Variants in SLC35F4 observed in about 807,000 individuals in gnomAD.
SLC35F4 encodes chromosome 14 open reading frame 36.
In SLC35F4, 24 loss-of-function variants were observed where a neutral mutation model predicts 44.2. That is an observed-to-expected ratio of 0.54 (90% CI 0.39 to 0.76). The LOEUF (loss-of-function observed/expected upper bound fraction) is 0.76, where lower values mean the gene tolerates loss of function less well. Among genes scored for constraint, SLC35F4 ranks in the 30% least tolerant of loss-of-function variants. The pLI is 0.00. For synonymous variants in SLC35F4, 238 were observed against 223.6 expected (o/e 1.06, Z -0.57); for missense variants, 562 against 586.1 (o/e 0.96, Z 0.42).
At chr14:57,911,446 T>C (rs554598031) in intron 1 of SLC35F4, among the ~76,000 whole-genome samples, 40 of 152,158 alleles carry the variant, frequency 2.6e-4, no homozygotes, top group African/African-American at 9.1e-4. Context: ...TTTATCAAGT[T>C]GAGGAAGTTT....
intron 1 of SLC35F4, among the ~76,000 whole-genome samples, chr14:57,806,446 C>A (rs1881329765): frequency 6.6e-6 from 1 of 152,144 alleles, no homozygotes; most frequent in Admixed American, 6.5e-5. Flanking sequence ...ACACACCAAT[C>A]ATGTCTCCAA....
chr14:57,915,614 C>G (rs78181434), intron 1 of SLC35F4, among the ~76,000 whole-genome samples: 1 of 152,064 alleles, frequency 6.6e-6, no homozygotes, highest in African/African-American at 2.4e-5. Flanking sequence ...TAAATTCTAC[C>G]TTCCATAAAG....
intron 1 of SLC35F4, among the ~76,000 whole-genome samples, chr14:57,907,381 A>T (rs756504717): frequency 6.6e-5 from 10 of 152,136 alleles, no homozygotes; most frequent in Non-Finnish European, 1.3e-4. Flanking sequence ...AATCAAACCC[A>T]CAATATATAT....
intron 1 of SLC35F4, among the ~76,000 whole-genome samples, chr14:57,839,971 T>G (rs1423485697): frequency 6.6e-6 from 1 of 152,186 alleles, no homozygotes; most frequent in East Asian, 1.9e-4. Context: ...TCTAGTCTTC[T>G]ACAAGCAATC....
intron 1 of SLC35F4, among the ~76,000 whole-genome samples, chr14:57,811,271 T>C (rs945996410): frequency 2.0e-5 from 3 of 152,242 alleles, no homozygotes; most frequent in Non-Finnish European, 4.4e-5. Flanking sequence ...TGTGAGCTCA[T>C]GTTCAGAATC....
intron 1 of SLC35F4, among the ~76,000 whole-genome samples, chr14:57,661,674 G>A (rs974410265): frequency 1.3e-5 from 2 of 152,156 alleles, no homozygotes; most frequent in South Asian, 2.1e-4. Flanking sequence ...ATCCAGAGAC[G>A]AATGTGCTCT....
intron 1 of SLC35F4, among the ~76,000 whole-genome samples, chr14:57,923,996 T>C (rs552014675): frequency 6.6e-6 from 1 of 152,332 alleles, no homozygotes; most frequent in Non-Finnish European, 1.5e-5. Flanking sequence ...GTTCTCATAA[T>C]AGTGAATGAG....
At chr14:57,604,603 T>A (rs1424850194) in intron 1 of SLC35F4, among the ~76,000 whole-genome samples, 1 of 152,156 alleles carries the variant, frequency 6.6e-6, no homozygotes, top group Non-Finnish European at 1.5e-5. Context: ...TGGAAAAAAC[T>A]ATTCTAAAAT....
At chr14:57,783,011 G>C (rs907128917) in intron 1 of SLC35F4, among the ~76,000 whole-genome samples, 2 of 152,124 alleles carry the variant, frequency 1.3e-5, no homozygotes, top group African/African-American at 4.8e-5. Flanking sequence ...AGCTGGGAGG[G>C]AGGGGAAATG....
intron 1 of SLC35F4, among the ~76,000 whole-genome samples, chr14:57,719,594 ATT>A (rs34957505): frequency 0.028 from 4,176 of 148,272 alleles, 81 homozygotes; most frequent in African/African-American, 0.048. Context: ...TTTTCCTGGG[ATT>A]TTTTTTTTTT....
intron 4 of SLC35F4, among the ~76,000 whole-genome samples, chr14:57,576,397 C>A (rs562052582): frequency 1.3e-5 from 2 of 152,278 alleles, no homozygotes; most frequent in African/African-American, 4.8e-5. Context: ...CTGCTGGCAG[C>A]TGCTGTGCTC....
chr14:57,844,710 G>A (rs778971932), intron 1 of SLC35F4, among the ~76,000 whole-genome samples: 1 of 152,176 alleles, frequency 6.6e-6, no homozygotes, highest in Non-Finnish European at 1.5e-5. Flanking sequence ...TTGGAAGCAA[G>A]ATTTCCTCTG....
chr14:57,644,309 TCTAA>T (rs2073391873), intron 1 of SLC35F4, among the ~76,000 whole-genome samples: 1 of 152,196 alleles, frequency 6.6e-6, no homozygotes, highest in Non-Finnish European at 1.5e-5. Context: ...TGATTGCCAT[TCTAA>T]CTAGTGTGAG....
chr14:57,680,895 C>G (rs943042250), intron 1 of SLC35F4, among the ~76,000 whole-genome samples: 5 of 152,098 alleles, frequency 3.3e-5, no homozygotes, highest in African/African-American at 1.2e-4. Flanking sequence ...GAAAAACATT[C>G]CATGCTCACA....
chr14:57,606,307 T>G (rs1239441943), intron 1 of SLC35F4, among the ~76,000 whole-genome samples: 2 of 150,818 alleles, frequency 1.3e-5, no homozygotes, highest in Non-Finnish European at 3.0e-5. Context: ...CTACTTTGCT[T>G]TCTATAATAC....
intron 1 of SLC35F4, among the ~76,000 whole-genome samples, chr14:57,885,714 G>A (rs988686734): frequency 6.6e-6 from 1 of 152,280 alleles, no homozygotes; most frequent in East Asian, 1.9e-4. Context: ...AACCAACATA[G>A]AGCTTTTTTA....
chr14:57,565,458 T>A (rs561987733), intron 7 of SLC35F4, among the ~76,000 whole-genome samples: 1 of 152,348 alleles, frequency 6.6e-6, no homozygotes, highest in South Asian at 2.1e-4. Flanking sequence ...TTACTCAATT[T>A]TTTTTCCTTT....
Position 57,581,199 on chromosome 14 carries a change from C to G in SLC35F4, c.807+15G>C. On this transcript the variant is annotated intron_variant, in intron 4 of 7. Coordinates refer to ENST00000556826, the MANE Select transcript of SLC35F4 (RefSeq NM_001306087.2). Reference sequence around the variant, plus strand: ...AAAAGGCAGGCATCGCGCATTGAATCAAGTATGCCATTACCCTCACTCCCA... The same window carrying G: ...AAAAGGCAGGCATCGCGCATTGAATGAAGTATGCCATTACCCTCACTCCCA... 1 of 1,505,304 alleles carries G rather than the reference C, an allele frequency of 6.6e-7. No individual in the cohort carries two copies. The highest frequency in any genetic ancestry group is 8.9e-7 in the Non-Finnish European group (1 of 1,128,070). The allele number at this position is 1,505,304 out of a possible 1,614,324, so 93.2% of individuals were successfully genotyped here. A position where few individuals can be genotyped will look rare whatever the true frequency, so the allele number is the denominator to read the frequency against.
At chr14:57,573,677 C>T (rs992749314) in intron 4 of SLC35F4, among the ~76,000 whole-genome samples, 4 of 152,028 alleles carry the variant, frequency 2.6e-5, no homozygotes, top group African/African-American at 9.7e-5. Context: ...TGGGGATTTG[C>T]AACAGTTCTT....
Sources: gnomAD v4.1 joint callset for allele counts (sites outside exome capture counted in the v4.1 genomes callset) on GRCh38, gnomAD v4.1.1 for gene constraint, MANE v1.5 for transcripts, NCBI Gene and HGNC (gene_info 2026-07-23, HGNC 2026-07-21) for gene names.